CDH6: variants seen among roughly 807,000 people sequenced by gnomAD.
CDH6 encodes cadherin-6.
In CDH6, 31 loss-of-function variants were observed where a neutral mutation model predicts 78.0. The ratio of observed to expected loss-of-function variants is 0.40; its 90% CI spans 0.30 to 0.54. The LOEUF (loss-of-function observed/expected upper bound fraction) is 0.54, where lower values mean the gene tolerates loss of function less well. Ranked by LOEUF, CDH6 falls within the 20% of genes least tolerant of loss-of-function variation. The pLI, the probability that CDH6 is intolerant of heterozygous loss-of-function variation, is 0.56. For missense variants in CDH6, 724 were observed against 975.9 expected, an observed-to-expected ratio of 0.74 and a Z score of 3.44; for synonymous variants, 376 against 368.8, an observed-to-expected ratio of 1.02 and a Z score of -0.23.
chr5:31,313,794 AC>A (rs1738223433), intron 8 of CDH6, among the ~76,000 whole-genome samples: 1 of 118,026 alleles, frequency 8.5e-6, no homozygotes. Context: ...TCAGTCAGAC[AC>A]TGTGTGTGGG....
chr5:31,302,771 AAGAAGAAAGAGAGAG>A (rs1177160402), intron 6 of CDH6, among the ~76,000 whole-genome samples: 7 of 50,876 alleles, frequency 1.4e-4, no homozygotes, highest in South Asian at 6.1e-4. Context: ...GAAAGAAAGA[AAGAAGAAAGAGAGAG>A]AGAGAGAGAG....
chr5:31,219,773 T>G (rs193185323), intron 1 of CDH6, among the ~76,000 whole-genome samples: 1 of 152,314 alleles, frequency 6.6e-6, no homozygotes, highest in East Asian at 1.9e-4. Context: ...GGGACAAGTA[T>G]TCAGTAAGTA....
chr5:31,316,589 G>A (rs1046148901), intron 9 of CDH6, among the ~76,000 whole-genome samples: 1 of 152,258 alleles, frequency 6.6e-6, no homozygotes. Flanking sequence ...ACCTTTATTG[G>A]AAAAATCTTT....
In CDH6 at chr5:31,293,942, AT is replaced by A. The variant is rs371678033; in HGVS notation, c.229-10del. The A allele has an allele frequency of 0.015, 20,897 of 1,420,724 alleles. 942 individuals are homozygous for A. Among genetic ancestry groups the A allele is most frequent in the South Asian group, 0.14 (10,727 of 76,150 alleles). The allele number at this position is 1,420,724 out of a possible 1,614,324, so 88.0% of individuals were successfully genotyped here. A position where few individuals can be genotyped will look rare whatever the true frequency, so the allele number is the denominator to read the frequency against. Reference sequence around the variant, plus strand: ...ACATGCTTGACTTTTACTTTCTTTAATTTTTTTTTTCTACACTAGTTACATT... The same window carrying A: ...ACATGCTTGACTTTTACTTTCTTTAATTTTTTTTTCTACACTAGTTACATT... On this transcript the variant is annotated intron_variant, in intron 2 of 11. Coordinates refer to ENST00000265071, the MANE Select transcript of CDH6 (RefSeq NM_004932.4).
chr5:31,235,680 T>A (rs1273617307), intron 1 of CDH6, among the ~76,000 whole-genome samples: 1 of 152,202 alleles, frequency 6.6e-6, no homozygotes, highest in African/African-American at 2.4e-5. Flanking sequence ...TGAATAAATC[T>A]TGTTTTCAGA....
intron 2 of CDH6, among the ~76,000 whole-genome samples, chr5:31,272,795 C>G (rs1194086911): frequency 6.6e-6 from 1 of 152,062 alleles, no homozygotes; most frequent in Non-Finnish European, 1.5e-5. Flanking sequence ...TAGTAACATG[C>G]CAGGAAATCT....
chr5:31,267,381 A>C lies in CDH6; in HGVS notation c.-93A>C. 1 of 837,598 alleles carries C rather than the reference A, an allele frequency of 1.2e-6. No individual in the cohort carries two copies. The highest frequency in any genetic ancestry group is 1.5e-5 in the South Asian group (1 of 65,720). 51.9% of individuals were successfully genotyped at this position (837,598 alleles called of 1,614,324 possible). A position where few individuals can be genotyped will look rare whatever the true frequency, so the allele number is the denominator to read the frequency against. ...AGAGCCAAGCAAAGAACATTAAGGA[A>C]GGAAGGAGGAATGAGGCTGGATACG... On this transcript the variant is annotated 5_prime_UTR_variant, in exon 2 of 12. Transcript: ENST00000265071.
At chr5:31,221,147 A>G (rs1740995099) in intron 1 of CDH6, among the ~76,000 whole-genome samples, 1 of 152,196 alleles carries the variant, frequency 6.6e-6, no homozygotes, top group Non-Finnish European at 1.5e-5. Context: ...CTGGCTGCAC[A>G]TTGACGAAGT....
At chr5:31,304,005 T>C (rs1737904127) in intron 6 of CDH6, among the ~76,000 whole-genome samples, 1 of 152,216 alleles carries the variant, frequency 6.6e-6, no homozygotes, top group Admixed American at 6.5e-5. Flanking sequence ...TATTATCATC[T>C]AAAACTAAAA....
chr5:31,241,922 C>T (rs1426391999), intron 1 of CDH6, among the ~76,000 whole-genome samples: 1 of 152,152 alleles, frequency 6.6e-6, no homozygotes, highest in Non-Finnish European at 1.5e-5. Flanking sequence ...TTACCTTTTT[C>T]CACTCTCCAT....
intron 1 of CDH6, chr5:31,251,937 T>C (rs1413939469): frequency 6.6e-6 from 1 of 152,170 alleles, no homozygotes; most frequent in African/African-American, 2.4e-5. Flanking sequence ...CCAAGCAAAA[T>C]AAAGACTGCG....
Position 31,271,627 on chromosome 5 carries a change from T to C in CDH6, c.228+3926T>C, listed in dbSNP as rs528353682. ...GGATAGGAAGAAATAAGTGGTCCTG[T>C]GTCGGGTAAGTTTCTGAGTTCGTGA... On this transcript the variant is annotated intron_variant, in intron 2 of 11. Transcript: ENST00000265071. 2.0e-5 allele frequency among the ~76,000 whole-genome samples: 3 copies of C among 152,234 alleles called. No homozygotes were observed. In the South Asian group the frequency reaches 6.2e-4, roughly 32 times the overall value.
At chr5:31,276,980 G>T (rs931777438) in intron 2 of CDH6, among the ~76,000 whole-genome samples, 1 of 152,146 alleles carries the variant, frequency 6.6e-6, no homozygotes, top group Non-Finnish European at 1.5e-5. Context: ...CAGGTGAAAT[G>T]GAGAGAAAGA....
At position 31,324,875 on chromosome 5, in the gene CDH6, A is replaced by G. The variant is rs1738584322; in HGVS notation, c.*1567A>G. On this transcript the variant is annotated 3_prime_UTR_variant, in exon 12 of 12. Transcript: ENST00000265071. ...GTGCAGTCATCAGAAATTCCAGCGT[A>G]CTATAATGAAAACATCCTTGTTTTG... The G allele has an allele frequency of 4.9e-6, 1 of 203,336 alleles. No homozygotes were observed. Among genetic ancestry groups the G allele is most frequent in the African/African-American group, 2.3e-5 (1 of 43,718 alleles). The allele number at this position is 203,336 out of a possible 1,614,324, so 12.6% of individuals were successfully genotyped here. A position where few individuals can be genotyped will look rare whatever the true frequency, so the allele number is the denominator to read the frequency against.
chr5:31,227,911 A>G (rs1741204375), intron 1 of CDH6, among the ~76,000 whole-genome samples: 1 of 152,186 alleles, frequency 6.6e-6, no homozygotes. Flanking sequence ...CACAAAACAC[A>G]TTACCACAAA....
At chr5:31,211,470 C>A (rs1264181578) in intron 1 of CDH6, among the ~76,000 whole-genome samples, 1 of 151,830 alleles carries the variant, frequency 6.6e-6, no homozygotes, top group Non-Finnish European at 1.5e-5. Flanking sequence ...ATAAATATCC[C>A]AAATCCTTCT....
rs1310385923 is a variant in CDH6 at position 31,328,885 on chromosome 5, A to T, written c.*5577A>T. The T allele has an allele frequency of 4.6e-6, 1 of 219,676 alleles. No homozygotes were observed. Among genetic ancestry groups the T allele is most frequent in the Non-Finnish European group, 9.1e-6 (1 of 109,624 alleles). 13.6% of individuals were successfully genotyped at this position (219,676 alleles called of 1,614,324 possible). A position where few individuals can be genotyped will look rare whatever the true frequency, so the allele number is the denominator to read the frequency against. On this transcript the variant is annotated 3_prime_UTR_variant, in exon 12 of 12. Coordinates refer to ENST00000265071, the MANE Select transcript of CDH6 (RefSeq NM_004932.4). The stretch of plus-strand genomic sequence containing the variant: ...CTCATAACCCCACAGTTTACCTGAG[A>T]AAGTTTTCTGTGTTAGAAGAATGGG...
intron 7 of CDH6, among the ~76,000 whole-genome samples, chr5:31,308,419 A>G (rs1173759457): frequency 1.8e-5 from 2 of 112,638 alleles, no homozygotes; most frequent in African/African-American, 5.9e-5. Context: ...ATCACAGAAT[A>G]CAATGAAGTC....
intron 11 of CDH6, 43 bp downstream of exon 11, chr5:31,317,967 G>C (rs1479464320): frequency 6.2e-7 from 1 of 1,601,248 alleles, no homozygotes; most frequent in African/African-American, 1.3e-5. Context: ...ATGGTGAGGG[G>C]CTCACACTGT....
Sources: allele counts gnomAD v4.1 joint callset (sites outside exome capture counted in the v4.1 genomes callset), GRCh38; gene constraint gnomAD v4.1.1; transcripts MANE v1.5; gene names NCBI Gene and HGNC (gene_info 2026-07-23, HGNC 2026-07-21).